Variants in AKAP9 observed in about 807,000 individuals in gnomAD.
AKAP9 encodes A-kinase anchoring protein 9, also known as A-kinase anchor protein 9.
AKAP9 carries 311 observed loss-of-function variants against 488.5 expected under a neutral mutation model. The observed-to-expected ratio is 0.64, with a 90% CI of 0.58 to 0.70. The LOEUF is 0.70. Ranked by LOEUF, AKAP9 falls within the 30% of genes least tolerant of loss-of-function variation. The pLI, the probability that AKAP9 is intolerant of heterozygous loss-of-function variation, is 0.00. For synonymous variants in AKAP9, 1,462 were observed against 1,483.5 expected (o/e 0.99, Z 0.33); for missense variants, 4,215 against 4,374.5 (o/e 0.96, Z 1.03).
intron 21 of AKAP9, among the ~76,000 whole-genome samples, chr7:92,046,964 A>G (rs1298592686): frequency 6.6e-6 from 1 of 152,164 alleles, no homozygotes; most frequent in East Asian, 1.9e-4. Context: ...ACTTCTCAAC[A>G]TGGCTGCCAA....
At position 92,083,413 on chromosome 7, in the gene AKAP9, G is replaced by A; in HGVS notation, c.8404G>A (p.Ala2802Thr). Residue 2802 changes from alanine (A) to threonine (T), a missense_variant, in exon 33 of 50, where the codon GCA (alanine) becomes ACA (threonine). Transcript: ENST00000356239. ...GACTCCACAAATTCTTGTTAAAAAT[G>A]CAGGAATACAAATTAATTTACAGAG... ...NQTPQILVKN[A>T]GIQINLQSEC... The A allele has an allele frequency of 6.2e-7, 1 of 1,614,012 alleles. No homozygotes were observed. Among genetic ancestry groups the A allele is most frequent in the Non-Finnish European group, 8.5e-7 (1 of 1,179,968 alleles).
chr7:91,944,743 A>G (rs1791220988), intron 1 of AKAP9, among the ~76,000 whole-genome samples: 1 of 152,198 alleles, frequency 6.6e-6, no homozygotes, highest in Admixed American at 6.5e-5. Flanking sequence ...TATTAAACAC[A>G]TGTTATAGTG....
intron 26 of AKAP9, among the ~76,000 whole-genome samples, chr7:92,067,282 A>C (rs80213184): frequency 0.058 from 8,756 of 152,242 alleles, 332 homozygotes; most frequent in Non-Finnish European, 0.085. Flanking sequence ...TCCAGTGCCT[A>C]CTCTGTCTCT....
intron 39 of AKAP9, among the ~76,000 whole-genome samples, chr7:92,094,394 A>G (rs1223125975): frequency 6.6e-6 from 1 of 151,760 alleles, no homozygotes; most frequent in African/African-American, 2.4e-5. Context: ...TTAGCCGGGC[A>G]TGCTGGCATT....
At chr7:92,018,888 ATC>A (rs1215514861) in intron 12 of AKAP9, among the ~76,000 whole-genome samples, 1 of 152,192 alleles carries the variant, frequency 6.6e-6, no homozygotes, top group Non-Finnish European at 1.5e-5. Flanking sequence ...TTTTAGGTAT[ATC>A]TCAATCAGCA....
At chr7:91,984,844 C>G (rs549343170) in intron 3 of AKAP9, among the ~76,000 whole-genome samples, 6 of 152,248 alleles carry the variant, frequency 3.9e-5, no homozygotes, top group East Asian at 1.9e-4. Context: ...AGAGGTCCTT[C>G]ACATCCCTTG....
intron 17 of AKAP9, among the ~76,000 whole-genome samples, 167 bp from the exon 18 acceptor site, chr7:92,040,507 A>G (rs1206108040): frequency 1.3e-5 from 2 of 152,172 alleles, no homozygotes; most frequent in Non-Finnish European, 2.9e-5. Context: ...GTAATTAAGA[A>G]AAACACCATT....
In AKAP9 at chr7:91,941,130, G is replaced by A. The variant is rs1364319231; in HGVS notation, c.31G>A (p.Glu11Lys). The A allele has an allele frequency of 6.2e-7, 1 of 1,613,998 alleles. No individual in the cohort carries two copies. Among genetic ancestry groups the A allele is most frequent in the African/African-American group, 1.3e-5 (1 of 74,926 alleles). The change falls in exon 1 of 50, where the codon GAG (glutamate) becomes AAG (lysine). Residue 11 changes from glutamate (E) to lysine (K), a missense_variant. Physicochemically the swap from Glu to Lys is moderately conservative, Grantham distance 56 (BLOSUM62 1). This residue lies in a region of AKAP9 where 2,361 missense variants were observed against 2,430.0 expected (regional missense o/e 0.97). Coordinates refer to ENST00000356239, the MANE Select transcript of AKAP9 (RefSeq NM_005751.5). ...GGACGAGGAGAGACAGAAGAAGCTG[G>A]AGGCCGGCAAAGCCAAGGTAGGAGA... MEDEERQKKL[E>K]AGKAKLAQFR...
chr7:92,013,167 A>G (rs1401244327), intron 9 of AKAP9, among the ~76,000 whole-genome samples: 1 of 149,478 alleles, frequency 6.7e-6, no homozygotes, highest in Admixed American at 6.7e-5. Flanking sequence ...AATTTTTTGT[A>G]TTTTTAGTAG....
At chr7:91,957,534 C>T (rs1011175889) in intron 1 of AKAP9, among the ~76,000 whole-genome samples, 2 of 152,090 alleles carry the variant, frequency 1.3e-5, no homozygotes, top group African/African-American at 4.8e-5. Flanking sequence ...AATGGAATCA[C>T]AAAGGAACAA....
At chr7:91,995,507 T>C in intron 6 of AKAP9, 96 bp from the exon 7 acceptor site, 1 of 1,073,814 alleles carries the variant, frequency 9.3e-7, no homozygotes, top group South Asian at 1.4e-5. Flanking sequence ...GCCTGCAGAG[T>C]TCCCAGAGAG....
At position 91,961,997 on chromosome 7, in the gene AKAP9, A is replaced by G. The variant is rs115326138; in HGVS notation, c.49-11714A>G. On this transcript the variant is annotated intron_variant, in intron 1 of 49. Transcript: ENST00000356239. Reference sequence around the variant, plus strand: ...TAATATCTTTCCAGTAAATCTTGCAACTATTTCTGTGACTACATATGTTAA... The same window carrying G: ...TAATATCTTTCCAGTAAATCTTGCAGCTATTTCTGTGACTACATATGTTAA... Among the ~76,000 whole-genome samples the G allele has an allele frequency of 2.8e-3, 429 of 151,926 alleles. 3 individuals are homozygous for G. The highest frequency in any genetic ancestry group is 9.8e-3 in the African/African-American group (407 of 41,568).
intron 1 of AKAP9, among the ~76,000 whole-genome samples, chr7:91,960,502 A>G: frequency 6.6e-6 from 1 of 152,122 alleles, no homozygotes; most frequent in East Asian, 1.9e-4. Flanking sequence ...ACCCATATTC[A>G]TCTTTAAATC....
chr7:91,992,669 A>AC (rs1219324092), intron 4 of AKAP9, among the ~76,000 whole-genome samples: 4 of 137,546 alleles, frequency 2.9e-5, no homozygotes, highest in Non-Finnish European at 6.3e-5. Flanking sequence ...GTCAAAAAAA[A>AC]AAAAAAAAAA....
chr7:92,022,746 G>A (rs1246034996), intron 13 of AKAP9, 68 bp from the exon 14 acceptor site: 2 of 1,021,334 alleles, frequency 2.0e-6, no homozygotes, highest in Non-Finnish European at 3.0e-6. Flanking sequence ...TCTGTACACA[G>A]TGATTGTGCT....
rs1813163905 is a variant in AKAP9, at chr7:92,079,498, A to G, written c.7365A>G (p.Ile2455Met). Residue 2455 changes from isoleucine to methionine, a missense_variant, in exon 31 of 50, where the codon ATA becomes ATG. This residue lies in a region of AKAP9 where 1,476 missense variants were observed against 1,477.4 expected (regional missense o/e 1.00). Coordinates refer to ENST00000356239, the MANE Select transcript of AKAP9 (RefSeq NM_005751.5). ...SIPENSVNVA[I>M]DHLSKDKPEL... ...CAGAGAATAGTGTTAACGTGGCTAT[A>G]GATCATCTGAGCAAAGACAAACCTG... 1 of 1,613,970 alleles carries G rather than the reference A, an allele frequency of 6.2e-7. No homozygotes were observed. The highest frequency in any genetic ancestry group is 8.5e-7 in the Non-Finnish European group (1 of 1,180,012).
chr7:92,068,658 A>G (rs1172660378), intron 26 of AKAP9, among the ~76,000 whole-genome samples: 2 of 151,728 alleles, frequency 1.3e-5, no homozygotes, highest in Non-Finnish European at 2.9e-5. Context: ...TTTTTTCTTA[A>G]CCTTACTCCA....
At position 91,975,398 on chromosome 7, in the gene AKAP9, G is replaced by T. The variant is rs576692562; in HGVS notation, c.306+1430G>T. Among the ~76,000 whole-genome samples, 20 of 152,104 alleles carry T rather than the reference G, an allele frequency of 1.3e-4. No individual in the cohort carries two copies. In the East Asian group the frequency reaches 2.9e-3, roughly 22 times the overall value. On this transcript the variant is annotated intron_variant, in intron 2 of 49. Transcript: ENST00000356239. ...AATTGTATTCTTAACTTTATTTTCT[G>T]ATTATTCATTATCCATGTATACAAA...
rs1806770022 is a variant in AKAP9 at position 92,045,225 on chromosome 7, C to T, written c.5368+12C>T. 3 of 1,611,330 alleles carry T rather than the reference C, an allele frequency of 1.9e-6. No homozygotes were observed. Among genetic ancestry groups the T allele is most frequent in the Non-Finnish European group, 2.5e-6 (3 of 1,177,728 alleles). On this transcript the variant is annotated intron_variant, in intron 21 of 49. Transcript: ENST00000356239. ...GGAACATACAAGAGGTACTAGTTTT[C>T]TGTGTTGTGGAAACAATCATTTCAA...
Sources: gnomAD v4.1 joint callset for allele counts (sites outside exome capture counted in the v4.1 genomes callset) on GRCh38, gnomAD v4.1.1 for gene constraint, gnomAD v4.1.1 regional missense constraint, MANE v1.5 for transcripts, NCBI Gene and HGNC (gene_info 2026-07-23, HGNC 2026-07-21) for gene names.